The following ARMH3 variants were observed in gnomAD, a reference collection of about 807,000 sequenced individuals.
The protein encoded by ARMH3 is armadillo like helical domain containing 3.
A neutral mutation model predicts 99.1 loss-of-function variants in ARMH3; 60 were observed. That is an observed-to-expected ratio of 0.61 (90% CI 0.49 to 0.75). The LOEUF (loss-of-function observed/expected upper bound fraction) is 0.75, where lower values mean the gene tolerates loss of function less well. ARMH3 is among the 30% of genes least tolerant of loss of function. ARMH3 has a pLI of 0.00. For missense variants in ARMH3, 679 were observed against 843.1 expected, an observed-to-expected ratio of 0.81 and a Z score of 2.41; for synonymous variants, 285 against 292.8, an observed-to-expected ratio of 0.97 and a Z score of 0.27.
chr10:102,038,146 G>T (rs1394860491), intron 2 of ARMH3, among the ~76,000 whole-genome samples: 1 of 143,662 alleles, frequency 7.0e-6, no homozygotes, highest in African/African-American at 2.6e-5. Context: ...CCAGGCTGGA[G>T]TGCAGTGGCG....
chr10:101,917,467 T>C (rs961692584), intron 23 of ARMH3, among the ~76,000 whole-genome samples: 1 of 152,248 alleles, frequency 6.6e-6, no homozygotes, highest in African/African-American at 2.4e-5. Context: ...TATTTCATTA[T>C]ATAGATGTAC....
intron 18 of ARMH3, among the ~76,000 whole-genome samples, chr10:101,991,726 C>T (rs1846805111): frequency 6.6e-6 from 1 of 152,194 alleles, no homozygotes; most frequent in African/African-American, 2.4e-5. Context: ...CAAGTTTAGA[C>T]ACAGCCATTT....
chr10:102,042,839 A>G, intron 1 of ARMH3, among the ~76,000 whole-genome samples: 1 of 152,336 alleles, frequency 6.6e-6, no homozygotes, highest in South Asian at 2.1e-4. Context: ...TTGGGAGGCC[A>G]AGGTGGGCGG....
In ARMH3 at chr10:101,873,156, C is replaced by A. The variant is rs1029717887; in HGVS notation, c.1860+16256G>T. ...CAGTGGCTCACGTCTGTAATCCCAG[C>A]ACTTTGGGAGGCCGAGGTGGGCGGA... On this transcript the variant is annotated intron_variant, in intron 24 of 25. Coordinates refer to ENST00000370033, the MANE Select transcript of ARMH3 (RefSeq NM_024541.3). Among the ~76,000 whole-genome samples, 5 of 150,456 alleles carry A rather than the reference C, an allele frequency of 3.3e-5. No homozygotes were observed. The South Asian group carries it at 6.3e-4, about 19-fold the overall frequency.
chr10:101,947,796 AAAATAAATAAATAAATAAAT>A (rs56657656), intron 22 of ARMH3, among the ~76,000 whole-genome samples: 1 of 145,272 alleles, frequency 6.9e-6, no homozygotes, highest in Non-Finnish European at 1.5e-5. Context: ...GCGAAACTCA[AAAATAAATAAATAAATAAAT>A]AAATAAATAA....
chr10:101,868,490 C>G (rs1395343009), intron 24 of ARMH3, among the ~76,000 whole-genome samples: 1 of 152,072 alleles, frequency 6.6e-6, no homozygotes, highest in African/African-American at 2.4e-5. Context: ...CCAAGTGTGC[C>G]TACTTCTCCT....
At chr10:101,909,011 T>C (rs983742894) in intron 23 of ARMH3, among the ~76,000 whole-genome samples, 2 of 152,008 alleles carry the variant, frequency 1.3e-5, no homozygotes, top group African/African-American at 4.8e-5. Context: ...TTTTAAAAAG[T>C]AAGTATTGAA....
intron 23 of ARMH3, among the ~76,000 whole-genome samples, chr10:101,917,511 T>C (rs1843135860): frequency 6.6e-6 from 1 of 152,254 alleles, no homozygotes; most frequent in South Asian, 2.1e-4. Context: ...GAGAGACACT[T>C]GGGTTGTCCA....
intron 23 of ARMH3, among the ~76,000 whole-genome samples, chr10:101,934,047 C>T (rs1411344437): frequency 6.6e-6 from 1 of 152,232 alleles, no homozygotes; most frequent in African/African-American, 2.4e-5. Flanking sequence ...CCCTTCCTAA[C>T]CCTAACTTTG....
chr10:101,935,199 ACATTTTT>A (rs1843909806), intron 23 of ARMH3, among the ~76,000 whole-genome samples: 3 of 147,518 alleles, frequency 2.0e-5, no homozygotes, highest in African/African-American at 2.5e-5. Flanking sequence ...ATATATATAT[ACATTTTT>A]TGTATAGCAA....
At chr10:102,038,503 A>G (rs11191189) in intron 2 of ARMH3, among the ~76,000 whole-genome samples, 31,500 of 152,070 alleles carry the variant, frequency 0.21, 4,017 homozygotes, top group Non-Finnish European at 0.29. Flanking sequence ...AAGGCTTGCC[A>G]AAGTTAGGTA....
chr10:101,997,715 T>C (rs1489593620), intron 15 of ARMH3, among the ~76,000 whole-genome samples: 2 of 152,186 alleles, frequency 1.3e-5, no homozygotes, highest in African/African-American at 2.4e-5. Context: ...ATATGTTCAT[T>C]TTATTATTAT....
chr10:102,016,028 G>A (rs979807072), intron 8 of ARMH3, among the ~76,000 whole-genome samples: 8 of 152,142 alleles, frequency 5.3e-5, no homozygotes, highest in Admixed American at 2.6e-4. Context: ...CCAGCTACTC[G>A]GAAGGATGAA....
chr10:101,935,957 T>C (rs1843951077), intron 23 of ARMH3, among the ~76,000 whole-genome samples: 4 of 152,184 alleles, frequency 2.6e-5, no homozygotes, highest in Admixed American at 2.6e-4. Flanking sequence ...CCACAGAAAG[T>C]AGTGTCATGG....
chr10:101,869,882 A>G (rs937933076), intron 24 of ARMH3, among the ~76,000 whole-genome samples: 2 of 152,084 alleles, frequency 1.3e-5, no homozygotes, highest in African/African-American at 4.8e-5. Context: ...AAAATACAAG[A>G]ATTAGCTAGG....
intron 1 of ARMH3, among the ~76,000 whole-genome samples, chr10:102,044,233 C>T (rs1197913768): frequency 6.6e-6 from 1 of 151,514 alleles, no homozygotes; most frequent in Non-Finnish European, 1.5e-5. Flanking sequence ...AGCTGAGACA[C>T]CTGGCTAATT....
At chr10:101,865,140 C>T (rs1352661447) in intron 24 of ARMH3, among the ~76,000 whole-genome samples, 8 of 150,148 alleles carry the variant, frequency 5.3e-5, no homozygotes, top group African/African-American at 1.7e-4. Flanking sequence ...GGCATGAACC[C>T]GGGAGGCAGA....
At chr10:101,968,839 T>C (rs1564804977) in intron 20 of ARMH3, among the ~76,000 whole-genome samples, 1 of 152,216 alleles carries the variant, frequency 6.6e-6, no homozygotes, top group Non-Finnish European at 1.5e-5. Context: ...GGGCTTTCTA[T>C]ACTGCTGTAG....
chr10:101,948,849 C>T (rs1286544884), intron 22 of ARMH3, among the ~76,000 whole-genome samples: 2 of 151,784 alleles, frequency 1.3e-5, no homozygotes, highest in African/African-American at 4.8e-5. Flanking sequence ...GGCCATAAAA[C>T]ATGTCTCAAT....
Sources: allele counts gnomAD v4.1 joint callset (sites outside exome capture counted in the v4.1 genomes callset), GRCh38; gene constraint gnomAD v4.1.1; transcripts MANE v1.5; gene names NCBI Gene and HGNC (gene_info 2026-07-23, HGNC 2026-07-21).